The following SLC25A26 variants were observed in gnomAD, a reference collection of about 807,000 sequenced individuals.
SLC25A26 encodes mitochondrial S-adenosylmethionine carrier protein.
SLC25A26 carries 36 observed loss-of-function variants against 37.8 expected under a neutral mutation model. That is an observed-to-expected ratio of 0.95 (90% CI 0.73 to 1.26). SLC25A26 has a LOEUF of 1.26. Among genes scored for constraint, SLC25A26 ranks in the 50% most tolerant of loss-of-function variants. The pLI is 0.00. For synonymous variants in SLC25A26, 129 were observed against 122.5 expected, an observed-to-expected ratio of 1.05 and a Z score of -0.35; for missense variants, 390 against 331.1, an observed-to-expected ratio of 1.18 and a Z score of -1.38.
chr3:66,237,258 T>C (rs1028839322), intron 2 of SLC25A26, among the ~76,000 whole-genome samples: 1 of 152,254 alleles, frequency 6.6e-6, no homozygotes, highest in African/African-American at 2.4e-5. Context: ...CCAACTAGAA[T>C]CCTTAAAGTG....
chr3:66,323,173 C>T (rs555522068), intron 5 of SLC25A26, among the ~76,000 whole-genome samples: 1 of 152,226 alleles, frequency 6.6e-6, no homozygotes, highest in African/African-American at 2.4e-5. Flanking sequence ...GTCTTTCCCT[C>T]AGATTGGGTG....
At chr3:66,226,199 G>A (rs2071742297) in intron 1 of SLC25A26, among the ~76,000 whole-genome samples, 1 of 152,178 alleles carries the variant, frequency 6.6e-6, no homozygotes, top group Admixed American at 6.5e-5. Context: ...CACATGGCTG[G>A]CAGAGGGGCC....
rs782209086 is a variant in SLC25A26, at chr3:66,254,014, C to T, written c.301-8037C>T. ...GACTTCCTTGTGTAGTCTGTATTAC[C>T]CGTGACAGCAGTCTTGTCAGGCGAG... On this transcript the variant is annotated intron_variant, in intron 3 of 9. Coordinates refer to ENST00000354883, the MANE Select transcript of SLC25A26 (RefSeq NM_001379210.1). Among the ~76,000 whole-genome samples the T allele has an allele frequency of 9.9e-5, 15 of 152,058 alleles. 1 individual carries two copies. Among genetic ancestry groups the T allele is most frequent in the Admixed American group, 9.8e-4 (15 of 15,256 alleles).
chr3:66,344,499 G>A (rs928611028), intron 5 of SLC25A26, among the ~76,000 whole-genome samples: 2 of 151,496 alleles, frequency 1.3e-5, no homozygotes, highest in African/African-American at 2.4e-5. Flanking sequence ...CTCAATTCAC[G>A]TGAAGGTAAA....
intron 6 of SLC25A26, among the ~76,000 whole-genome samples, chr3:66,347,484 G>A (rs529103783): frequency 6.6e-6 from 1 of 152,344 alleles, no homozygotes; most frequent in African/African-American, 2.4e-5. Context: ...ACAGATGCTG[G>A]TGAGGCTTTG....
chr3:66,311,832 G>A (rs982203811), intron 5 of SLC25A26, among the ~76,000 whole-genome samples: 2 of 152,162 alleles, frequency 1.3e-5, no homozygotes, highest in Admixed American at 6.5e-5. Context: ...CTGCAGAACA[G>A]CAAAGCTTGC....
chr3:66,296,082 A>G (rs2074894412), intron 5 of SLC25A26, among the ~76,000 whole-genome samples: 4 of 152,090 alleles, frequency 2.6e-5, no homozygotes, highest in Admixed American at 2.6e-4. Context: ...GCACCATTGC[A>G]CTGCAGCCTG....
Position 66,278,490 on chromosome 3 carries a change from C to T in SLC25A26, c.453+15111C>T, listed in dbSNP as rs561643221. On this transcript the variant is annotated intron_variant, in intron 5 of 9. Coordinates refer to ENST00000354883, the MANE Select transcript of SLC25A26 (RefSeq NM_001379210.1). ...GTTTTATTTTTAGTTCTTATTTCAT[C>T]GGTGCTTTCAGATAATATATTATTT... Among the ~76,000 whole-genome samples, 37 of 151,914 alleles carry T rather than the reference C, an allele frequency of 2.4e-4. No homozygotes were observed. In the South Asian group the frequency reaches 4.4e-3, roughly 18 times the overall value.
At chr3:66,242,700 G>C (rs150468076) in intron 2 of SLC25A26, among the ~76,000 whole-genome samples, 3,802 of 152,218 alleles carry the variant, frequency 0.025, 68 homozygotes, top group Non-Finnish European at 0.037. Context: ...ATGGCTGATT[G>C]TTTTCTTGAT....
At chr3:66,370,727 G>C (rs1028115138) in intron 9 of SLC25A26, 125 bp downstream of exon 9, 2 of 703,880 alleles carry the variant, frequency 2.8e-6, no homozygotes, top group African/African-American at 3.6e-5. Flanking sequence ...TATTTATTGT[G>C]CAAAATATTA....
chr3:66,229,304 A>G (rs2071899602), intron 1 of SLC25A26, among the ~76,000 whole-genome samples: 1 of 152,250 alleles, frequency 6.6e-6, no homozygotes, highest in South Asian at 2.1e-4. Flanking sequence ...GTCAAGAAAC[A>G]AAGGCTTAGA....
rs1412381544 is a variant in SLC25A26 at position 66,197,026 on chromosome 3, AT to A, written c.-353-23709del. Among the ~76,000 whole-genome samples the A allele has an allele frequency of 3.5e-3, 528 of 151,870 alleles. 4 individuals carry two copies. The highest frequency in any genetic ancestry group is 0.012 in the African/African-American group (485 of 41,228). On this transcript the variant is annotated intron_variant, in intron 1 of 10. Transcript: ENST00000676754. Reference sequence around the variant, plus strand: ...ATGGCTTATATGTGGTCTTTTGTATATTTTTTTATTTTAGTAAGAATGCGCC... The same window carrying A: ...ATGGCTTATATGTGGTCTTTTGTATATTTTTTATTTTAGTAAGAATGCGCC...
chr3:66,176,143 G>T (rs541182207), intron 1 of SLC25A26, among the ~76,000 whole-genome samples: 2 of 152,236 alleles, frequency 1.3e-5, no homozygotes, highest in South Asian at 4.1e-4. Context: ...TCTTGAAATT[G>T]GTACCCTACC....
At chr3:66,239,277 T>TTTG (rs1427488539) in intron 2 of SLC25A26, among the ~76,000 whole-genome samples, 49 of 152,048 alleles carry the variant, frequency 3.2e-4, no homozygotes, top group African/African-American at 1.1e-3. Flanking sequence ...TTTTTTTTTT[T>TTTG]GCCACATCCA....
At chr3:66,300,035 C>T (rs1029739295) in intron 5 of SLC25A26, among the ~76,000 whole-genome samples, 8 of 152,106 alleles carry the variant, frequency 5.3e-5, no homozygotes, top group African/African-American at 1.7e-4. Flanking sequence ...TAGCGTTTCT[C>T]CTTTGCTCTG....
chr3:66,322,726 A>G (rs951493914), intron 5 of SLC25A26, among the ~76,000 whole-genome samples: 3 of 151,880 alleles, frequency 2.0e-5, no homozygotes, highest in Non-Finnish European at 4.4e-5. Context: ...TTCAACTTCT[A>G]ACTGAATTTA....
At chr3:66,303,742 C>T (rs769426033) in intron 5 of SLC25A26, among the ~76,000 whole-genome samples, 5 of 152,176 alleles carry the variant, frequency 3.3e-5, no homozygotes, top group Non-Finnish European at 5.9e-5. Context: ...TGGGTCTCTA[C>T]AGCAGCAGTC....
intron 5 of SLC25A26, among the ~76,000 whole-genome samples, chr3:66,329,594 A>G (rs919991168): frequency 9.2e-5 from 14 of 152,322 alleles, no homozygotes; most frequent in African/African-American, 3.4e-4. Context: ...AAATTTTTCT[A>G]TTATAAAGGA....
intron 5 of SLC25A26, chr3:66,293,101 T>C (rs2074771170): frequency 6.6e-6 from 1 of 152,066 alleles, no homozygotes; most frequent in African/African-American, 2.4e-5. Flanking sequence ...TTGTGTATAC[T>C]TTATGAAGTT....
Sources: allele counts gnomAD v4.1 joint callset (sites outside exome capture counted in the v4.1 genomes callset), GRCh38; gene constraint gnomAD v4.1.1; transcripts MANE v1.5; gene names NCBI Gene and HGNC (gene_info 2026-07-23, HGNC 2026-07-21).